MYO5B: variants seen among roughly 807,000 people sequenced by gnomAD.
The protein encoded by MYO5B is unconventional myosin-Vb.
MYO5B carries 143 observed loss-of-function variants against 229.3 expected under a neutral mutation model. That is an observed-to-expected ratio of 0.62 (90% CI 0.54 to 0.72). MYO5B has a LOEUF of 0.72. MYO5B is among the 30% of genes least tolerant of loss of function. The pLI is 0.00. For missense variants in MYO5B, 2,321 were observed against 2,331.0 expected (o/e 1.00, Z 0.09); for synonymous variants, 918 against 885.2 (o/e 1.04, Z -0.66).
intron 2 of MYO5B, among the ~76,000 whole-genome samples, chr18:50,054,721 T>G (rs1262398809): frequency 6.6e-6 from 1 of 152,156 alleles, no homozygotes; most frequent in East Asian, 1.9e-4. Context: ...AGCTAACACA[T>G]AGGGAGCACT....
intron 1 of MYO5B, among the ~76,000 whole-genome samples, chr18:50,062,990 G>C (rs1284981057): frequency 6.6e-6 from 1 of 152,122 alleles, no homozygotes; most frequent in Non-Finnish European, 1.5e-5. Context: ...ATTAAATAAT[G>C]TATATGAAAT....
At chr18:49,953,473 A>G in intron 13 of MYO5B, 130 bp from the exon 14 acceptor site, 1 of 766,902 alleles carries the variant, frequency 1.3e-6, no homozygotes, top group Non-Finnish European at 2.3e-6. Flanking sequence ...AGATGTTTCC[A>G]CTTAAAATGC....
chr18:49,876,364 G>T, intron 25 of MYO5B: 1 of 243,176 alleles, frequency 4.1e-6, no homozygotes, highest in African/African-American at 2.3e-5. Flanking sequence ...TGTTCCTTTT[G>T]GATTCATGCC....
At chr18:50,001,872 A>T (rs9956599) in intron 4 of MYO5B, among the ~76,000 whole-genome samples, 2 of 151,716 alleles carry the variant, frequency 1.3e-5, no homozygotes, top group South Asian at 2.1e-4. Flanking sequence ...TCTACTAAAA[A>T]ACAATACAAA....
At chr18:49,962,658 C>T (rs1437715130) in intron 11 of MYO5B, among the ~76,000 whole-genome samples, 2 of 150,984 alleles carry the variant, frequency 1.3e-5, no homozygotes, top group Non-Finnish European at 2.9e-5. Flanking sequence ...TCACAGGAAG[C>T]CCCATATCTG....
intron 2 of MYO5B, among the ~76,000 whole-genome samples, chr18:50,047,942 G>A (rs1439814119): frequency 7.8e-6 from 1 of 128,512 alleles, no homozygotes; most frequent in African/African-American, 2.9e-5. Context: ...ACTGTTGTGG[G>A]GTGGGGGGAG....
chr18:50,085,705 C>T (rs1195793841), intron 1 of MYO5B, among the ~76,000 whole-genome samples: 1 of 152,052 alleles, frequency 6.6e-6, no homozygotes, highest in East Asian at 1.9e-4. Context: ...GAAAATGTGG[C>T]ACATATACAC....
At chr18:49,931,451 G>A (rs1204574890) in intron 16 of MYO5B, among the ~76,000 whole-genome samples, 1 of 152,158 alleles carries the variant, frequency 6.6e-6, no homozygotes, top group Non-Finnish European at 1.5e-5. Flanking sequence ...CTGAGCATGT[G>A]AGGCACAACG....
At chr18:49,971,262 C>A (rs940515805) in intron 10 of MYO5B, among the ~76,000 whole-genome samples, 1 of 152,136 alleles carries the variant, frequency 6.6e-6, no homozygotes, top group African/African-American at 2.4e-5. Flanking sequence ...GTAGAGAGGG[C>A]GAGAAGTGGG....
At chr18:50,046,079 G>C (rs2030217188) in intron 2 of MYO5B, among the ~76,000 whole-genome samples, 1 of 152,188 alleles carries the variant, frequency 6.6e-6, no homozygotes, top group Non-Finnish European at 1.5e-5. Context: ...ATCTACCCAT[G>C]GAACCAGAAG....
intron 4 of MYO5B, among the ~76,000 whole-genome samples, chr18:50,032,423 A>G (rs924495603): frequency 7.9e-5 from 12 of 152,144 alleles, no homozygotes; most frequent in African/African-American, 2.9e-4. Context: ...GTCTCTATAG[A>G]TTTGCCTATT....
At chr18:50,015,488 T>A (rs2144349784) in intron 4 of MYO5B, among the ~76,000 whole-genome samples, 1 of 152,388 alleles carries the variant, frequency 6.6e-6, no homozygotes, top group African/African-American at 2.4e-5. Context: ...TTATAAGAAG[T>A]CCCTTAACAT....
chr18:50,085,539 A>T (rs1006039474), intron 1 of MYO5B, among the ~76,000 whole-genome samples: 87 of 152,060 alleles, frequency 5.7e-4, no homozygotes, highest in Non-Finnish European at 1.2e-3. Context: ...TAGAAATACC[A>T]TTTGACCCAG....
At chr18:49,858,756 T>TGCAGCCCAG (rs2024293375) in intron 29 of MYO5B, among the ~76,000 whole-genome samples, 1 of 152,190 alleles carries the variant, frequency 6.6e-6, no homozygotes. Context: ...TAGAGAACTG[T>TGCAGCCCAG]GCAGCCCAGG....
intron 1 of MYO5B, among the ~76,000 whole-genome samples, chr18:50,142,789 A>C (rs1456916434): frequency 6.6e-6 from 1 of 152,234 alleles, no homozygotes; most frequent in African/African-American, 2.4e-5. Flanking sequence ...CAGTCTAACA[A>C]TGACAACAGC....
At chr18:49,903,241 TATA>T (rs1161150947) in intron 20 of MYO5B, among the ~76,000 whole-genome samples, 1 of 152,024 alleles carries the variant, frequency 6.6e-6, no homozygotes, top group Non-Finnish European at 1.5e-5. Flanking sequence ...GCTAATGGCT[TATA>T]ATTACAAACT....
At chr18:50,086,533 C>T (rs79336804) in intron 1 of MYO5B, among the ~76,000 whole-genome samples, 3 of 152,180 alleles carry the variant, frequency 2.0e-5, no homozygotes, top group Non-Finnish European at 4.4e-5. Context: ...ACTGGTGGAC[C>T]TTGACAAGTG....
intron 2 of MYO5B, among the ~76,000 whole-genome samples, chr18:50,045,925 C>G (rs1568084611): frequency 1.3e-5 from 2 of 152,138 alleles, no homozygotes; most frequent in African/African-American, 4.8e-5. Flanking sequence ...ATAACTTCTC[C>G]CATACCTCAA....
intron 31 of MYO5B, 188 bp from the exon 32 acceptor site, chr18:49,849,848 G>A (rs1255782438): frequency 3.1e-6 from 2 of 646,930 alleles, no homozygotes; most frequent in Non-Finnish European, 2.8e-6. Flanking sequence ...AACTCAGGAA[G>A]TGGGAGATGA....
Sources: allele counts gnomAD v4.1 joint callset (sites outside exome capture counted in the v4.1 genomes callset), GRCh38; gene constraint gnomAD v4.1.1; transcripts MANE v1.5; gene names NCBI Gene and HGNC (gene_info 2026-07-23, HGNC 2026-07-21).